The following SGSM1 variants were observed in gnomAD, a reference collection of about 807,000 sequenced individuals.
The protein encoded by SGSM1 is RUN and TBC1 domain containing 2.
SGSM1 carries 73 observed loss-of-function variants against 133.8 expected under a neutral mutation model. The observed-to-expected ratio is 0.55, with a 90% CI of 0.45 to 0.66. The LOEUF (loss-of-function observed/expected upper bound fraction) is 0.66. Among genes scored for constraint, SGSM1 ranks in the 30% least tolerant of loss-of-function variants. The probability of loss-of-function intolerance (pLI) is 0.00; values close to 1 mark genes in which losing one functional copy is unlikely to be tolerated. For synonymous variants in SGSM1, 563 were observed against 573.0 expected, an observed-to-expected ratio of 0.98 and a Z score of 0.25; for missense variants, 1,213 against 1,448.1, an observed-to-expected ratio of 0.84 and a Z score of 2.64.
At chr22:24,896,369 C>A (rs1601966768) in intron 18 of SGSM1, among the ~76,000 whole-genome samples, 1 of 151,884 alleles carries the variant, frequency 6.6e-6, no homozygotes, top group East Asian at 1.9e-4. Context: ...AACACAGAAA[C>A]ACATGAAACT....
intron 15 of SGSM1, among the ~76,000 whole-genome samples, chr22:24,886,353 A>G (rs1932599155): frequency 6.6e-6 from 1 of 151,570 alleles, no homozygotes; most frequent in African/African-American, 2.4e-5. Context: ...GTGAGCCAAG[A>G]TCACACCACT....
At chr22:24,907,610 G>A (rs913063576) in intron 21 of SGSM1, among the ~76,000 whole-genome samples, 11 of 151,884 alleles carry the variant, frequency 7.2e-5, no homozygotes, top group Non-Finnish European at 1.3e-4. Flanking sequence ...AAGGGATTTA[G>A]AATAGCCAAA....
chr22:24,900,414 T>TCTTC (rs1484572431), intron 19 of SGSM1, among the ~76,000 whole-genome samples: 1 of 146,268 alleles, frequency 6.8e-6, no homozygotes, highest in African/African-American at 2.6e-5. Flanking sequence ...TTTCTGTATT[T>TCTTC]TTGAGACAGA....
intron 2 of SGSM1, among the ~76,000 whole-genome samples, chr22:24,811,566 A>G (rs893358754): frequency 2.6e-5 from 4 of 152,138 alleles, no homozygotes; most frequent in African/African-American, 4.8e-5. Context: ...GGACTATGTA[A>G]TAACATTAGC....
At position 24,905,198 on chromosome 22, in the gene SGSM1, C is replaced by G. The variant is rs367653191; in HGVS notation, c.2818+11C>G. The stretch of plus-strand genomic sequence containing the variant: ...TCATTCTGGATGATGGTGAGTGTGT[C>G]TTTACTGCCCTAGGGCTGAGGGTGC... On this transcript the variant is annotated intron_variant, in intron 21 of 24. Coordinates refer to ENST00000400358, the MANE Select transcript of SGSM1 (RefSeq NM_001098497.3). 63 of 1,612,422 alleles carry G rather than the reference C, an allele frequency of 3.9e-5. No individual in the cohort carries two copies. The highest frequency in any genetic ancestry group is 5.3e-5 in the Non-Finnish European group (63 of 1,178,572).
chr22:24,847,890 C>T lies in SGSM1; in HGVS notation c.302+94C>T, dbSNP rs542760935. ...GAGAGAGCCTGCAACCCCTAGCACT[C>T]TTTTCAGTCTCCATCCTGCTTCTCA... On this transcript the variant is annotated intron_variant, in intron 4 of 24. Transcript: ENST00000400358. 1.2e-5 allele frequency: 17 copies of T among 1,456,030 alleles called. No individual in the cohort carries two copies. In the African/African-American group the frequency reaches 2.1e-4, roughly 18 times the overall value. The allele number at this position is 1,456,030 out of a possible 1,614,324, so 90.2% of individuals were successfully genotyped here.
At chr22:24,858,491 C>T (rs1930935290) in intron 8 of SGSM1, among the ~76,000 whole-genome samples, 1 of 152,026 alleles carries the variant, frequency 6.6e-6, no homozygotes, top group Non-Finnish European at 1.5e-5. Flanking sequence ...CAAAAATTAG[C>T]TAGGCATGGT....
intron 22 of SGSM1, among the ~76,000 whole-genome samples, chr22:24,917,364 T>C (rs935847316): frequency 6.6e-6 from 1 of 152,206 alleles, no homozygotes; most frequent in Non-Finnish European, 1.5e-5. Context: ...CTTTTTATTG[T>C]CTGTCATTTT....
intron 2 of SGSM1, among the ~76,000 whole-genome samples, chr22:24,831,758 C>T (rs1044117156): frequency 3.9e-5 from 6 of 152,214 alleles, no homozygotes; most frequent in Non-Finnish European, 8.8e-5. Flanking sequence ...TGCCAACAGC[C>T]GGCCTGTGCG....
intron 8 of SGSM1, among the ~76,000 whole-genome samples, chr22:24,858,600 T>TCC (rs1049713990): frequency 7.2e-6 from 1 of 138,950 alleles, no homozygotes; most frequent in Non-Finnish European, 1.5e-5. Flanking sequence ...CGCGCCGCTG[T>TCC]CCTCCAGCCT....
chr22:24,882,018 GC>G (rs935810434), intron 14 of SGSM1, among the ~76,000 whole-genome samples: 2 of 151,748 alleles, frequency 1.3e-5, no homozygotes, highest in Admixed American at 1.3e-4. Context: ...TTGGGGGGGG[GC>G]CTTTTTAATC....
In SGSM1 at chr22:24,908,758, C is replaced by T. The variant is rs532501734; in HGVS notation, c.2818+3571C>T. ...CAGAGCTTGCAGTGAGCCGAGATCGCGCCACTGCACTCCAGCCTGGGCGAC... is the reference window on the plus strand; with the variant it reads ...CAGAGCTTGCAGTGAGCCGAGATCGTGCCACTGCACTCCAGCCTGGGCGAC... On this transcript the variant is annotated intron_variant, in intron 21 of 24. Transcript: ENST00000400358. Among the ~76,000 whole-genome samples, 42 of 150,714 alleles carry T rather than the reference C, an allele frequency of 2.8e-4. No homozygotes were observed. The East Asian group carries it at 7.3e-3, about 26-fold the overall frequency.
At chr22:24,870,962 A>G (rs2147878078) in intron 12 of SGSM1, among the ~76,000 whole-genome samples, 1 of 152,198 alleles carries the variant, frequency 6.6e-6, no homozygotes, top group Non-Finnish European at 1.5e-5. Flanking sequence ...TCCCTTACTG[A>G]TGTGCCTTTG....
chr22:24,847,562 G>A, intron 3 of SGSM1, 72 bp from the exon 4 acceptor site: 1 of 1,541,656 alleles, frequency 6.5e-7, no homozygotes, highest in Non-Finnish European at 8.8e-7. Context: ...GTGTCTGACA[G>A]AAGCTCTGGG....
intron 3 of SGSM1, among the ~76,000 whole-genome samples, chr22:24,846,441 C>T (rs1022016774): frequency 1.3e-5 from 2 of 151,586 alleles, no homozygotes; most frequent in African/African-American, 2.4e-5. Flanking sequence ...TTTATGTGTT[C>T]CTGAATATTT....
intron 2 of SGSM1, among the ~76,000 whole-genome samples, chr22:24,830,891 C>G (rs1404063108): frequency 6.6e-6 from 1 of 152,070 alleles, no homozygotes; most frequent in African/African-American, 2.4e-5. Context: ...TTCTCTGAAC[C>G]TCTTATCTCA....
intron 9 of SGSM1, among the ~76,000 whole-genome samples, chr22:24,860,213 A>T (rs1040726864): frequency 3.3e-5 from 5 of 152,296 alleles, no homozygotes; most frequent in Admixed American, 6.5e-5. Context: ...GTTAGCGAGC[A>T]TCTGGTCCAG....
chr22:24,921,162 C>T (rs1040768466), intron 24 of SGSM1, among the ~76,000 whole-genome samples: 5 of 151,588 alleles, frequency 3.3e-5, no homozygotes, highest in African/African-American at 4.9e-5. Context: ...TGAAGTGGCA[C>T]GATCTCAGCT....
chr22:24,890,380 C>G (rs1358993869), intron 16 of SGSM1, among the ~76,000 whole-genome samples: 1 of 152,172 alleles, frequency 6.6e-6, no homozygotes, highest in African/African-American at 2.4e-5. Flanking sequence ...TAAGAGGTCC[C>G]AGGTACCCAT....
Sources: gnomAD v4.1 joint callset for allele counts (sites outside exome capture counted in the v4.1 genomes callset) on GRCh38, gnomAD v4.1.1 for gene constraint, MANE v1.5 for transcripts, NCBI Gene and HGNC (gene_info 2026-07-23, HGNC 2026-07-21) for gene names.